The following PIK3C2A variants were observed in gnomAD, a reference collection of about 807,000 sequenced individuals.
The protein encoded by PIK3C2A is phosphatidylinositol 4-phosphate 3-kinase C2 domain-containing subunit alpha.
PIK3C2A carries 97 observed loss-of-function variants against 204.5 expected under a neutral mutation model. The observed-to-expected ratio is 0.47, with a 90% confidence interval of 0.40 to 0.56. The LOEUF (loss-of-function observed/expected upper bound fraction) is 0.56, where lower values mean the gene tolerates loss of function less well. Among genes scored for constraint, PIK3C2A ranks in the 20% least tolerant of loss-of-function variants. PIK3C2A has a pLI of 0.00. For synonymous variants in PIK3C2A, 653 were observed against 664.4 expected (o/e 0.98, Z 0.26); for missense variants, 1,735 against 1,969.2 (o/e 0.88, Z 2.25).
intron 22 of PIK3C2A, among the ~76,000 whole-genome samples, chr11:17,105,543 C>T (rs1002612642): frequency 6.6e-6 from 1 of 152,108 alleles, no homozygotes; most frequent in African/African-American, 2.4e-5. Context: ...CTCTTCCTCC[C>T]CTTGCCTCCC....
chr11:17,147,147 G>A (rs1850269200), intron 6 of PIK3C2A, among the ~76,000 whole-genome samples: 1 of 152,028 alleles, frequency 6.6e-6, no homozygotes, highest in East Asian at 1.9e-4. Context: ...ATTTTTCTCA[G>A]TTTGGTACAA....
At chr11:17,157,320 C>T (rs1267827528) in intron 2 of PIK3C2A, among the ~76,000 whole-genome samples, 1 of 151,926 alleles carries the variant, frequency 6.6e-6, no homozygotes, top group South Asian at 2.1e-4. Context: ...ATTAGCCAGG[C>T]GTGGTGGCAA....
chr11:17,154,362 T>G (rs895866615), intron 3 of PIK3C2A, among the ~76,000 whole-genome samples: 6 of 152,156 alleles, frequency 3.9e-5, no homozygotes, highest in Admixed American at 1.3e-4. Context: ...AAAGGTAACA[T>G]AAAGGAAGAC....
In PIK3C2A at chr11:17,145,962, CA is replaced by C. The variant is rs558339205; in HGVS notation, c.1561-21del. ...TTCTGCCTAAACAAACACATATACA[CA>C]AAAAAATCACATCCACTCTTTGGTC... On this transcript the variant is annotated intron_variant, in intron 6 of 32. Transcript: ENST00000691414. The C allele has an allele frequency of 5.1e-6, 8 of 1,568,376 alleles. No homozygotes were observed. Among genetic ancestry groups the C allele is most frequent in the East Asian group, 4.5e-5 (2 of 44,538 alleles).
intron 1 of PIK3C2A, chr11:17,193,420 C>A (rs1852007673): frequency 3.5e-6 from 1 of 283,702 alleles, no homozygotes; most frequent in South Asian, 3.2e-5. Context: ...AACAGAAATT[C>A]AACTTAAAAA....
chr11:17,115,002 A>G (rs1229318882), intron 19 of PIK3C2A, among the ~76,000 whole-genome samples: 4 of 152,238 alleles, frequency 2.6e-5, no homozygotes. Flanking sequence ...GAAAACAGGT[A>G]AACAATGTAT....
At chr11:17,100,090 GGT>G in intron 25 of PIK3C2A, 121 bp from the exon 26 acceptor site, 9 of 538,528 alleles carry the variant, frequency 1.7e-5, no homozygotes, top group East Asian at 3.0e-5. Flanking sequence ...AGTCTTGAGG[GGT>G]TCATTAGTGT....
In PIK3C2A at chr11:17,168,643, C is replaced by T. The variant is rs1036303816; in HGVS notation, c.1065+34G>A. The T allele has an allele frequency of 9.0e-6, 12 of 1,326,740 alleles. No individual in the cohort carries two copies. The African/African-American group carries it at 1.2e-4, about 13-fold the overall frequency. 82.2% of individuals were successfully genotyped at this position (1,326,740 alleles called of 1,614,324 possible). A position where few individuals can be genotyped will look rare whatever the true frequency, so the allele number is the denominator to read the frequency against. On this transcript the variant is annotated intron_variant, in intron 2 of 32. Coordinates refer to ENST00000691414, the MANE Select transcript of PIK3C2A (RefSeq NM_002645.4). Reference sequence around the variant, plus strand: ...ACACAAATATGAACTCTGTGTTATACTAAGTTTGAGAAGTTAGTAAGAAAA... The same window carrying T: ...ACACAAATATGAACTCTGTGTTATATTAAGTTTGAGAAGTTAGTAAGAAAA...
chr11:17,200,769 G>T (rs546233272), intron 1 of PIK3C2A, among the ~76,000 whole-genome samples: 34 of 152,284 alleles, frequency 2.2e-4, no homozygotes, highest in Non-Finnish European at 4.3e-4. Context: ...TAAAACAGAT[G>T]AATTTTACTA....
intron 25 of PIK3C2A, among the ~76,000 whole-genome samples, chr11:17,100,948 GT>G (rs1327655146): frequency 1.3e-5 from 2 of 152,138 alleles, no homozygotes; most frequent in Admixed American, 1.3e-4. Context: ...CTGAGTGAAT[GT>G]TGACAATTCA....
chr11:17,181,593 C>T (rs1591005504), intron 1 of PIK3C2A, among the ~76,000 whole-genome samples: 1 of 132,278 alleles, frequency 7.6e-6, no homozygotes, highest in African/African-American at 3.0e-5. Flanking sequence ...ATGGTGAGAT[C>T]CCATTTTTAA....
At chr11:17,094,961 A>T (rs7933926) in intron 27 of PIK3C2A, among the ~76,000 whole-genome samples, 6,044 of 152,252 alleles carry the variant, frequency 0.04, 343 homozygotes, top group African/African-American at 0.12. Context: ...AGAACTTAAA[A>T]GTGTAAGCTG....
intron 19 of PIK3C2A, among the ~76,000 whole-genome samples, chr11:17,116,495 A>G (rs1849196013): frequency 6.6e-6 from 1 of 152,200 alleles, no homozygotes; most frequent in African/African-American, 2.4e-5. Context: ...ATTCCCCAAA[A>G]AGTTAAGCAC....
chr11:17,201,954 T>G (rs1852402496), intron 1 of PIK3C2A, among the ~76,000 whole-genome samples: 1 of 152,034 alleles, frequency 6.6e-6, no homozygotes, highest in South Asian at 2.1e-4. Context: ...TATGAAGAGA[T>G]TCAATGAAAA....
intron 1 of PIK3C2A, among the ~76,000 whole-genome samples, chr11:17,187,227 G>A (rs1851782411): frequency 6.6e-6 from 1 of 152,078 alleles, no homozygotes; most frequent in African/African-American, 2.4e-5. Context: ...AGAGCGATTA[G>A]CACATGAAGA....
intron 22 of PIK3C2A, among the ~76,000 whole-genome samples, chr11:17,106,949 T>C (rs1590912935): frequency 6.6e-6 from 1 of 152,206 alleles, no homozygotes; most frequent in South Asian, 2.1e-4. Context: ...CAAGTATATA[T>C]TTTGGCCTCC....
In PIK3C2A at chr11:17,117,676, T is replaced by C. The variant is rs768434915; in HGVS notation, c.3036-5A>G. 5.4e-5 allele frequency: 70 copies of C among 1,301,716 alleles called. 2 individuals are homozygous for C. In the South Asian group the frequency reaches 8.7e-4, roughly 16 times the overall value. 80.6% of individuals were successfully genotyped at this position (1,301,716 alleles called of 1,614,324 possible). On this transcript the variant is annotated splice_polypyrimidine_tract_variant and splice_region_variant and intron_variant, in intron 18 of 32. Transcript: ENST00000691414. Reference sequence around the variant, plus strand: ...TGCAGGGCATCTTTGAGAAGCCTAATACAGCAAAATATTTATGTTAGTCAC... The same window carrying C: ...TGCAGGGCATCTTTGAGAAGCCTAACACAGCAAAATATTTATGTTAGTCAC...
chr11:17,091,406 TG>T lies in PIK3C2A; in HGVS notation c.4805del (p.Pro1602GlnfsTer36). 1 of 1,613,876 alleles carries T rather than the reference TG, an allele frequency of 6.2e-7. No individual in the cohort carries two copies. Among genetic ancestry groups the T allele is most frequent in the South Asian group, 1.1e-5 (1 of 91,054 alleles). ...TACGTTTGGATGTTTTGTGGTTATC[TG>T]GAAGTAGGTATGTTTTGACATATGG... ...PNPYVKTYLLPDNHKTSKRKT... is the reference protein window; with the variant it reads ...PNPYVKTYLLXDNHKTSKRKT... On this transcript the variant is annotated frameshift_variant, in exon 32 of 33. Transcript: ENST00000691414. LOFTEE classifies it high-confidence loss of function.
At position 17,169,142 on chromosome 11, in the gene PIK3C2A, C is replaced by T. The variant is rs766917968; in HGVS notation, c.600G>A (p.Leu200=). The change falls in exon 2 of 33, where the codon TTG becomes TTA. Residue 200 remains leucine (L), a synonymous_variant. Coordinates refer to ENST00000691414, the MANE Select transcript of PIK3C2A (RefSeq NM_002645.4). ...PGQSPYFSYP[L]TPATPFHPQG... ...GTGGATGAAAGGGTGTGGCAGGTGT[C>T]AAAGGATATGAGAAATATGGAGATT... 1.1e-5 allele frequency: 18 copies of T among 1,613,846 alleles called. No homozygotes were observed. The highest frequency in any genetic ancestry group is 1.5e-5 in the Non-Finnish European group (18 of 1,179,968).
Sources: gnomAD v4.1 joint callset for allele counts (sites outside exome capture counted in the v4.1 genomes callset) on GRCh38, gnomAD v4.1.1 for gene constraint, MANE v1.5 for transcripts, NCBI Gene and HGNC (gene_info 2026-07-23, HGNC 2026-07-21) for gene names.